PLA2R1: variants seen among roughly 807,000 people sequenced by gnomAD.
PLA2R1 encodes secretory phospholipase A2 receptor.
A neutral mutation model predicts 195.9 loss-of-function variants in PLA2R1; 158 were observed. The observed-to-expected ratio is 0.81, with a 90% CI of 0.71 to 0.92. The LOEUF (loss-of-function observed/expected upper bound fraction) is 0.92, where lower values mean the gene tolerates loss of function less well. Among genes scored for constraint, PLA2R1 ranks in the 40% least tolerant of loss-of-function variants. PLA2R1 has a pLI of 0.00. For missense variants in PLA2R1, 1,626 were observed against 1,764.6 expected, an observed-to-expected ratio of 0.92 and a Z score of 1.41; for synonymous variants, 586 against 598.2, an observed-to-expected ratio of 0.98 and a Z score of 0.30.
the PLA2R1 span, among the ~76,000 whole-genome samples, chr2:159,926,398 T>C: frequency 1.2e-5 from 1 of 86,704 alleles, no homozygotes; most frequent in Admixed American, 1.4e-4. Flanking sequence ...TTTGGGCTTA[T>C]AATAACCTTT....
rs1215964503 is a variant in PLA2R1, at chr2:159,969,362, G to A, written c.2661-3C>T. ...TCACTGGTGTTCCATCTCTCCAGCT[G>A]TGGGAAGATTAAAAATGTTAAGGTC... On this transcript the variant is annotated splice_polypyrimidine_tract_variant and splice_region_variant and intron_variant, in intron 18 of 29. Transcript: ENST00000283243. 2 of 1,536,556 alleles carry A rather than the reference G, an allele frequency of 1.3e-6. No individual in the cohort carries two copies. The highest frequency in any genetic ancestry group is 1.7e-4 in the Middle Eastern group (1 of 5,918).
At chr2:160,020,344 T>A in intron 7 of PLA2R1, 81 bp from the exon 8 acceptor site, 1 of 816,554 alleles carries the variant, frequency 1.2e-6, no homozygotes, top group Non-Finnish European at 2.0e-6. Context: ...TACTAAAATA[T>A]ACCACTTCAC....
chr2:159,952,708 T>G (rs954700088), intron 23 of PLA2R1, among the ~76,000 whole-genome samples: 5 of 152,114 alleles, frequency 3.3e-5, no homozygotes, highest in African/African-American at 1.2e-4. Flanking sequence ...TGGATGGAAT[T>G]GAACGAGATA....
At chr2:160,032,866 A>C (rs1268808663) in intron 4 of PLA2R1, 93 bp downstream of exon 4, 6 of 1,026,018 alleles carry the variant, frequency 5.8e-6, no homozygotes, top group Admixed American at 5.2e-5. Context: ...TTTTTTAAGA[A>C]CTTTTTGTCA....
At chr2:159,950,730 G>C (rs964120839) in intron 24 of PLA2R1, among the ~76,000 whole-genome samples, 2 of 152,172 alleles carry the variant, frequency 1.3e-5, no homozygotes, top group African/African-American at 4.8e-5. Flanking sequence ...TGTATACATG[G>C]AAAATTTCTA....
At position 160,053,798 on chromosome 2, in the gene PLA2R1, C is replaced by T. The variant is rs185961731; in HGVS notation, c.109+8497G>A. 2.3e-3 allele frequency among the ~76,000 whole-genome samples: 352 copies of T among 152,354 alleles called. 1 individual carries two copies. Among genetic ancestry groups the T allele is most frequent in the African/African-American group, 8.0e-3 (331 of 41,582 alleles). ...CCCGTCCCGGGAGGTAGACAGGGGACACCAGGCAGAATTGAACAGAGGCTC... is the reference window on the plus strand; with the variant it reads ...CCCGTCCCGGGAGGTAGACAGGGGATACCAGGCAGAATTGAACAGAGGCTC... On this transcript the variant is annotated intron_variant, in intron 1 of 29. Transcript: ENST00000283243.
At chr2:160,047,552 C>T (rs760875762) in intron 1 of PLA2R1, among the ~76,000 whole-genome samples, 3 of 152,172 alleles carry the variant, frequency 2.0e-5, no homozygotes, top group Non-Finnish European at 4.4e-5. Flanking sequence ...TGAGACACCA[C>T]GCTATCATCT....
intron 1 of PLA2R1, among the ~76,000 whole-genome samples, chr2:160,052,596 G>A (rs1271037185): frequency 6.6e-6 from 1 of 152,112 alleles, no homozygotes; most frequent in African/African-American, 2.4e-5. Flanking sequence ...TTATCTTATT[G>A]ACTCTGTTGA....
In PLA2R1 at chr2:160,016,819, GATA is replaced by G. The variant is rs1692805951; in HGVS notation, c.1453-110_1453-108del. ...TGATGAATAATGTGCTCCCGCGTGGGATAATGTTTCAGGCGGCACTCTGCTTTG... is the reference window on the plus strand; with the variant it reads ...TGATGAATAATGTGCTCCCGCGTGGGATGTTTCAGGCGGCACTCTGCTTTG... On this transcript the variant is annotated intron_variant, in intron 8 of 29. Coordinates refer to ENST00000283243, the MANE Select transcript of PLA2R1 (RefSeq NM_007366.5). 3 of 640,244 alleles carry G rather than the reference GATA, an allele frequency of 4.7e-6. No individual in the cohort carries two copies. In the East Asian group the frequency reaches 8.4e-5, roughly 18 times the overall value. The allele number at this position is 640,244 out of a possible 1,614,324, so 39.7% of individuals were successfully genotyped here.
chr2:159,977,388 T>C lies in PLA2R1; in HGVS notation c.2297A>G (p.Tyr766Cys). 6.2e-7 allele frequency: 1 copy of C among 1,613,128 alleles called. No individual in the cohort carries two copies. Among genetic ancestry groups the C allele is most frequent in the Non-Finnish European group, 8.5e-7 (1 of 1,179,214 alleles). Residue 766 changes from tyrosine (Y) to cysteine (C), a missense_variant, in exon 15 of 30, where the codon TAT (tyrosine) becomes TGT (cysteine). Transcript: ENST00000283243. The part of the protein sequence containing the change: ...PVVSSFLDNT[Y>C]FGEDARNCAV... ...ACAGTTTCTTGCATCTTCTCCAAAATAAGTGTTGTCTAAAAACGAAGAGAC... is the reference window on the plus strand; with the variant it reads ...ACAGTTTCTTGCATCTTCTCCAAAACAAGTGTTGTCTAAAAACGAAGAGAC...
intron 9 of PLA2R1, 144 bp downstream of exon 9, chr2:160,016,470 A>AG (rs1692760225): frequency 3.6e-6 from 2 of 554,566 alleles, no homozygotes; most frequent in Admixed American, 3.6e-5. Flanking sequence ...GAAAGGAAAG[A>AG]AGGGGGGGGT....
At chr2:159,966,660 C>T (rs1574689093) in intron 20 of PLA2R1, among the ~76,000 whole-genome samples, 1 of 151,998 alleles carries the variant, frequency 6.6e-6, no homozygotes, top group Non-Finnish European at 1.5e-5. Flanking sequence ...AGGAAGATCA[C>T]AAAGGAGAGA....
chr2:159,997,118 A>C (rs1411966854), intron 11 of PLA2R1, among the ~76,000 whole-genome samples: 1 of 152,122 alleles, frequency 6.6e-6, no homozygotes, highest in Non-Finnish European at 1.5e-5. Flanking sequence ...GATGTAATAT[A>C]TTGGGTAAAA....
At chr2:160,055,300 C>T (rs1410029314) in intron 1 of PLA2R1, among the ~76,000 whole-genome samples, 1 of 152,150 alleles carries the variant, frequency 6.6e-6, no homozygotes, top group East Asian at 1.9e-4. Context: ...GAAACGGAGT[C>T]AAGAAGGCTG....
At chr2:160,030,090 T>G (rs1245463779) in intron 4 of PLA2R1, among the ~76,000 whole-genome samples, 1 of 152,248 alleles carries the variant, frequency 6.6e-6, no homozygotes, top group African/African-American at 2.4e-5. Flanking sequence ...GATGATAGAC[T>G]GTATGATTAC....
chr2:159,952,517 G>A (rs1367060261), intron 23 of PLA2R1, among the ~76,000 whole-genome samples: 6 of 152,328 alleles, frequency 3.9e-5, no homozygotes, highest in Non-Finnish European at 7.3e-5. Flanking sequence ...TTGAATTTCT[G>A]TGTACTGGTT....
intron 10 of PLA2R1, among the ~76,000 whole-genome samples, chr2:160,008,520 T>C (rs1221182021): frequency 6.6e-6 from 1 of 152,104 alleles, no homozygotes; most frequent in African/African-American, 2.4e-5. Flanking sequence ...GTTAGACCCT[T>C]ACCTTATACT....
At chr2:160,019,788 A>G (rs534855366) in intron 8 of PLA2R1, among the ~76,000 whole-genome samples, 52 of 151,882 alleles carry the variant, frequency 3.4e-4, no homozygotes, top group Non-Finnish European at 6.0e-4. Context: ...TGCTTAGAAT[A>G]TTCTTCCCCC....
rs150554853 is a variant in PLA2R1 at position 160,044,684 on chromosome 2, C to G, written c.493+90G>C. On this transcript the variant is annotated intron_variant, in intron 2 of 29. Transcript: ENST00000283243. ...CCCTTGAGGGTCCAGGCTTCGTGTA[C>G]TTCTTTCACGTAATGCTTTACAAAT... The G allele has an allele frequency of 6.6e-4, 759 of 1,144,102 alleles. 6 individuals are homozygous for G. In the African/African-American group the frequency reaches 0.011, roughly 16 times the overall value. 70.9% of individuals were successfully genotyped at this position (1,144,102 alleles called of 1,614,324 possible). A position where few individuals can be genotyped will look rare whatever the true frequency, so the allele number is the denominator to read the frequency against.
Sources: allele counts gnomAD v4.1 joint callset (sites outside exome capture counted in the v4.1 genomes callset), GRCh38; gene constraint gnomAD v4.1.1; transcripts MANE v1.5; gene names NCBI Gene and HGNC (gene_info 2026-07-23, HGNC 2026-07-21).